The following MYO3B variants were observed in gnomAD, a reference collection of about 807,000 sequenced individuals.
MYO3B encodes myosin IIIB, also known as myosin-IIIb.
Under a neutral mutation model 174.6 loss-of-function variants are expected in MYO3B, and 156 were observed. The observed-to-expected ratio is 0.89, with a 90% CI of 0.78 to 1.02. The LOEUF (loss-of-function observed/expected upper bound fraction) is 1.02, where lower values mean the gene tolerates loss of function less well. Among genes scored for constraint, MYO3B ranks in the 50% least tolerant of loss-of-function variants. MYO3B has a pLI of 0.00. For synonymous variants in MYO3B, 563 were observed against 569.1 expected, an observed-to-expected ratio of 0.99 and a Z score of 0.15; for missense variants, 1,632 against 1,639.4, an observed-to-expected ratio of 1.00 and a Z score of 0.08.
At chr2:170,579,358 G>C (rs1182444130) in intron 32 of MYO3B, among the ~76,000 whole-genome samples, 1 of 151,814 alleles carries the variant, frequency 6.6e-6, no homozygotes, top group Non-Finnish European at 1.5e-5. Context: ...ATCCAGAAGA[G>C]AGGGAAAATA....
intron 7 of MYO3B, among the ~76,000 whole-genome samples, chr2:170,253,707 G>A (rs1253775690): frequency 3.3e-5 from 5 of 152,072 alleles, no homozygotes; most frequent in South Asian, 2.1e-4. Flanking sequence ...AGAAGGAGTA[G>A]CCATTGAGAT....
chr2:170,478,271 G>A (rs986815618), intron 25 of MYO3B, among the ~76,000 whole-genome samples: 2 of 152,100 alleles, frequency 1.3e-5, no homozygotes, highest in African/African-American at 4.8e-5. Flanking sequence ...TGGAAATGGG[G>A]GAGGCGGTTA....
chr2:170,266,648 A>G (rs535176624), intron 7 of MYO3B, among the ~76,000 whole-genome samples: 2 of 152,220 alleles, frequency 1.3e-5, no homozygotes, highest in Non-Finnish European at 2.9e-5. Context: ...TGTAAGTGTC[A>G]CAATACCTAG....
chr2:170,550,095 T>A (rs971120206), intron 32 of MYO3B, among the ~76,000 whole-genome samples: 1 of 152,152 alleles, frequency 6.6e-6, no homozygotes, highest in African/African-American at 2.4e-5. Context: ...CATTTATGGG[T>A]AGTCTCTGAG....
chr2:170,505,558 A>G (rs1029889116), intron 28 of MYO3B, among the ~76,000 whole-genome samples: 4 of 152,226 alleles, frequency 2.6e-5, no homozygotes, highest in Admixed American at 6.5e-5. Context: ...AACTACATTT[A>G]TTCAACCAAA....
rs911191736 is a variant in MYO3B at position 170,653,354 on chromosome 2, G to A, written c.*233G>A. The A allele has an allele frequency of 7.4e-6, 4 of 541,882 alleles. No homozygotes were observed. The African/African-American group carries it at 7.5e-5, about 10-fold the overall frequency. 33.6% of individuals were successfully genotyped at this position (541,882 alleles called of 1,614,324 possible). ...CGCTGCCTTCCTTTCTCATCCCATGGGGCCCTGTGGGACACTGAGAACACC... is the reference window on the plus strand; with the variant it reads ...CGCTGCCTTCCTTTCTCATCCCATGAGGCCCTGTGGGACACTGAGAACACC... On this transcript the variant is annotated 3_prime_UTR_variant, in exon 35 of 35. Coordinates refer to ENST00000408978, the MANE Select transcript of MYO3B (RefSeq NM_138995.5).
chr2:170,637,628 C>T (rs1425185696), intron 32 of MYO3B, among the ~76,000 whole-genome samples: 4 of 147,078 alleles, frequency 2.7e-5, no homozygotes, highest in South Asian at 4.3e-4. Context: ...ATTTCCGTAA[C>T]GGATTTTTAC....
chr2:170,400,651 C>CG (rs1395705518), intron 17 of MYO3B, among the ~76,000 whole-genome samples: 3 of 140,488 alleles, frequency 2.1e-5, no homozygotes, highest in East Asian at 3.4e-4. Context: ...GATCCACCCC[C>CG]CCCCCCTCGG....
At position 170,335,421 on chromosome 2, in the gene MYO3B, G is replaced by A. The variant is rs752004228; in HGVS notation, c.786G>A (p.Trp262Ter). 3.0e-5 allele frequency: 48 copies of A among 1,611,840 alleles called. No homozygotes were observed. The highest frequency in any genetic ancestry group is 3.6e-5 in the Non-Finnish European group (42 of 1,179,066). The change falls in exon 8 of 35, where the codon TGG becomes TGA. Residue 262 changes from tryptophan to a stop codon, truncating the protein, a stop_gained. Coordinates refer to ENST00000408978, the MANE Select transcript of MYO3B (RefSeq NM_138995.5). LOFTEE classifies it high-confidence loss of function. ...CTACTTTACTTCATCCAGAAAAATGGTGTGAAGAATTCAACCACTTTATTT... is the reference window on the plus strand; with the variant it reads ...CTACTTTACTTCATCCAGAAAAATGATGTGAAGAATTCAACCACTTTATTT... ...PPPTLLHPEK[W>*]CEEFNHFISQ...
At chr2:170,517,786 G>A (rs1273100106) in intron 29 of MYO3B, among the ~76,000 whole-genome samples, 1 of 152,036 alleles carries the variant, frequency 6.6e-6, no homozygotes. Flanking sequence ...GCAAGTGAGT[G>A]TGGGCCAAAC....
Position 170,229,119 on chromosome 2 carries a change from A to G in MYO3B, c.604-6872A>G, listed in dbSNP as rs537733191. On this transcript the variant is annotated intron_variant, in intron 6 of 34. Transcript: ENST00000408978. ...AGTGATAAAAATATTTGCCACTGGAATATTTATACTGTAACCACAATTTCT... is the reference window on the plus strand; with the variant it reads ...AGTGATAAAAATATTTGCCACTGGAGTATTTATACTGTAACCACAATTTCT... 2.0e-5 allele frequency among the ~76,000 whole-genome samples: 3 copies of G among 152,352 alleles called. No homozygotes were observed. The East Asian group carries it at 5.8e-4, about 29-fold the overall frequency.
chr2:170,501,854 A>G lies in MYO3B; in HGVS notation c.3359A>G (p.His1120Arg), dbSNP rs540858959. The change falls in exon 28 of 35, where the codon CAT becomes CGT. Residue 1120 changes from histidine (H) to arginine (R), a missense_variant. Physicochemically the swap from His to Arg is conservative, Grantham distance 29. Transcript: ENST00000408978. ...AACAGAAGGAATGAGTCTGCTGCTC[A>G]TAATCAAGCAGGTAATTAAAACATC... ...ISNRRNESAAHNQAGDTSNQS... is the reference protein window; with the variant it reads ...ISNRRNESAARNQAGDTSNQS... The G allele has an allele frequency of 1.2e-6, 2 of 1,608,792 alleles. No homozygotes were observed. The highest frequency in any genetic ancestry group is 2.2e-5 in the South Asian group (2 of 90,844).
At chr2:170,386,106 G>T (rs1318452840) in intron 12 of MYO3B, 83 bp from the exon 13 acceptor site, 5 of 1,112,718 alleles carry the variant, frequency 4.5e-6, no homozygotes, top group Non-Finnish European at 6.8e-6. Flanking sequence ...AAATTAAGGT[G>T]TACAGTAGTG....
intron 32 of MYO3B, among the ~76,000 whole-genome samples, chr2:170,569,572 C>G (rs1468842878): frequency 6.7e-6 from 1 of 149,684 alleles, no homozygotes; most frequent in African/African-American, 2.5e-5. Context: ...CATAGGAAAC[C>G]GAGAGTTGGC....
chr2:170,635,114 A>G lies in MYO3B; in HGVS notation c.3734-16514A>G, dbSNP rs139294711. On this transcript the variant is annotated intron_variant, in intron 32 of 34. Coordinates refer to ENST00000408978, the MANE Select transcript of MYO3B (RefSeq NM_138995.5). ...TGACCCAGGGATCCCATTACTGGGT[A>G]TATACCAAAAGGATTATAAATCATG... Among the ~76,000 whole-genome samples the G allele has an allele frequency of 4.0e-3, 611 of 152,350 alleles. 6 individuals carry two copies. The highest frequency in any genetic ancestry group is 0.014 in the African/African-American group (575 of 41,572).
chr2:170,613,383 A>G (rs1695238840), intron 32 of MYO3B, among the ~76,000 whole-genome samples: 1 of 152,208 alleles, frequency 6.6e-6, no homozygotes, highest in Non-Finnish European at 1.5e-5. Flanking sequence ...CGCACACCTC[A>G]GTCCTTCCAT....
chr2:170,198,953 G>A (rs747776854), intron 1 of MYO3B, among the ~76,000 whole-genome samples: 3 of 152,116 alleles, frequency 2.0e-5, no homozygotes, highest in Non-Finnish European at 2.9e-5. Flanking sequence ...CTCTCCTGTG[G>A]TGTGTACATA....
chr2:170,623,416 G>A (rs1203441911), intron 32 of MYO3B, among the ~76,000 whole-genome samples: 3 of 152,056 alleles, frequency 2.0e-5, no homozygotes, highest in Admixed American at 2.0e-4. Context: ...TTTTTGATGG[G>A]GTTGTTTGAT....
chr2:170,616,785 G>A (rs562409938), intron 32 of MYO3B, among the ~76,000 whole-genome samples: 14 of 152,254 alleles, frequency 9.2e-5, no homozygotes, highest in East Asian at 1.9e-4. Flanking sequence ...CTTCAGCACC[G>A]GGTAAAGCAG....
Sources: gnomAD v4.1 joint callset for allele counts (sites outside exome capture counted in the v4.1 genomes callset) on GRCh38, gnomAD v4.1.1 for gene constraint, MANE v1.5 for transcripts, NCBI Gene and HGNC (gene_info 2026-07-23, HGNC 2026-07-21) for gene names.